Variants in CNTNAP2 observed in about 807,000 individuals in gnomAD.
The protein encoded by CNTNAP2 is contactin associated protein 2, also known as contactin-associated protein-like 2.
Under a neutral mutation model 155.2 loss-of-function variants are expected in CNTNAP2, and 98 were observed. The observed-to-expected ratio is 0.63, with a 90% CI of 0.54 to 0.75. The LOEUF (loss-of-function observed/expected upper bound fraction) is 0.75. Among genes scored for constraint, CNTNAP2 ranks in the 30% least tolerant of loss-of-function variants. CNTNAP2 has a pLI of 0.00. For synonymous variants in CNTNAP2, 651 were observed against 631.2 expected (o/e 1.03, Z -0.47); for missense variants, 1,727 against 1,688.1 (o/e 1.02, Z -0.40).
At chr7:147,596,911 C>T (rs976503644) in intron 12 of CNTNAP2, among the ~76,000 whole-genome samples, 13 of 152,174 alleles carry the variant, frequency 8.5e-5, no homozygotes, top group Admixed American at 8.5e-4. Context: ...TTGCTACGCT[C>T]CCTCCAGAGT....
chr7:146,242,791 C>G (rs961930784), intron 1 of CNTNAP2, among the ~76,000 whole-genome samples: 4 of 152,106 alleles, frequency 2.6e-5, no homozygotes, highest in Non-Finnish European at 5.9e-5. Flanking sequence ...TAAAATAACA[C>G]TACATATCAC....
chr7:147,554,476 G>C (rs977006938), intron 11 of CNTNAP2, among the ~76,000 whole-genome samples: 2 of 152,020 alleles, frequency 1.3e-5, no homozygotes, highest in Admixed American at 1.3e-4. Context: ...AAGGGAGAGA[G>C]TAGAAATGAA....
chr7:146,149,019 C>G (rs11768250), intron 1 of CNTNAP2, among the ~76,000 whole-genome samples: 28 of 133,088 alleles, frequency 2.1e-4, no homozygotes, highest in Admixed American at 4.6e-4. Context: ...CATCACACAC[C>G]GGGGCCTGTT....
intron 1 of CNTNAP2, among the ~76,000 whole-genome samples, chr7:146,712,616 C>CA (rs970196957): frequency 5.5e-4 from 83 of 150,308 alleles, no homozygotes; most frequent in African/African-American, 2.0e-3. Context: ...TCTTTTCTTT[C>CA]AAAAAAACTA....
chr7:146,515,436 G>A (rs1032011914), intron 1 of CNTNAP2, among the ~76,000 whole-genome samples: 5 of 152,020 alleles, frequency 3.3e-5, no homozygotes, highest in African/African-American at 1.2e-4. Context: ...TCATTTGTTT[G>A]TGGCCCTATG....
At chr7:147,900,281 AG>A (rs932598098) in intron 13 of CNTNAP2, among the ~76,000 whole-genome samples, 4 of 152,160 alleles carry the variant, frequency 2.6e-5, no homozygotes, top group African/African-American at 4.8e-5. Context: ...CCATGTGTCA[AG>A]GGGGGGACTT....
intron 8 of CNTNAP2, among the ~76,000 whole-genome samples, chr7:147,290,096 A>G (rs980880505): frequency 3.3e-5 from 5 of 152,196 alleles, no homozygotes; most frequent in African/African-American, 1.2e-4. Context: ...CGGGAAATAC[A>G]GGGTTAGGTT....
chr7:147,359,899 T>A (rs919793363), intron 9 of CNTNAP2, among the ~76,000 whole-genome samples: 4 of 152,194 alleles, frequency 2.6e-5, no homozygotes, highest in African/African-American at 9.7e-5. Context: ...ATATGATATG[T>A]TCTTTATTCA....
intron 4 of CNTNAP2, among the ~76,000 whole-genome samples, chr7:147,095,268 T>A (rs954355765): frequency 6.7e-6 from 1 of 150,136 alleles, no homozygotes; most frequent in Non-Finnish European, 1.5e-5. Context: ...ACTCTTTACC[T>A]GAAATGATCC....
intron 3 of CNTNAP2, among the ~76,000 whole-genome samples, chr7:146,947,410 C>CTCTCTATA (rs1554413860): frequency 8.2e-6 from 1 of 122,676 alleles, no homozygotes; most frequent in Non-Finnish European, 1.7e-5. Flanking sequence ...CTCTCTCTCT[C>CTCTCTATA]TATATATATA....
At chr7:146,517,348 A>T (rs1409905298) in intron 1 of CNTNAP2, among the ~76,000 whole-genome samples, 2 of 152,004 alleles carry the variant, frequency 1.3e-5, no homozygotes, top group African/African-American at 2.4e-5. Context: ...GGTGAAGAGG[A>T]TCATGAGATT....
intron 21 of CNTNAP2, among the ~76,000 whole-genome samples, chr7:148,269,085 G>A (rs1200568604): frequency 5.3e-5 from 8 of 152,086 alleles, no homozygotes; most frequent in African/African-American, 9.7e-5. Flanking sequence ...ACACCAGTCC[G>A]GCTGGAGAGG....
At chr7:148,413,373 C>A (rs1799888627) in intron 23 of CNTNAP2, among the ~76,000 whole-genome samples, 2 of 90,396 alleles carry the variant, frequency 2.2e-5, no homozygotes, top group African/African-American at 4.1e-5. Flanking sequence ...GCCTGGGCAA[C>A]AAGAGTGAAA....
intron 1 of CNTNAP2, among the ~76,000 whole-genome samples, chr7:146,326,844 T>C (rs1474753183): frequency 1.3e-5 from 2 of 152,258 alleles, no homozygotes; most frequent in African/African-American, 4.8e-5. Flanking sequence ...GTTAACATGC[T>C]GTAAATTGGA....
chr7:147,140,786 T>G (rs1801576953), intron 8 of CNTNAP2, among the ~76,000 whole-genome samples: 2 of 152,232 alleles, frequency 1.3e-5, no homozygotes, highest in Admixed American at 1.3e-4. Flanking sequence ...TACATAATTT[T>G]ATGGGCAGGG....
At chr7:147,456,715 C>G (rs1038866496) in intron 10 of CNTNAP2, among the ~76,000 whole-genome samples, 2 of 151,690 alleles carry the variant, frequency 1.3e-5, no homozygotes, top group South Asian at 4.1e-4. Flanking sequence ...AAAAATTAAT[C>G]ACAGGAAAAA....
rs1230029853 is a variant in CNTNAP2, at chr7:148,417,628, T to C, written c.*2012T>C. On this transcript the variant is annotated 3_prime_UTR_variant, in exon 24 of 24. Transcript: ENST00000361727. ...TTTATTTAGCCAAGATGATTACCAT[T>C]AGGAGTTACTTTATGTATTGTTGAA... 6.6e-6 allele frequency: 1 copy of C among 152,254 alleles called. No individual in the cohort carries two copies. The highest frequency in any genetic ancestry group is 1.9e-4 in the East Asian group (1 of 5,202). The allele number at this position is 152,254 out of a possible 1,614,324, so 9.4% of individuals were successfully genotyped here.
intron 12 of CNTNAP2, among the ~76,000 whole-genome samples, chr7:147,586,466 G>A (rs1283752185): frequency 6.8e-5 from 10 of 146,092 alleles, no homozygotes; most frequent in African/African-American, 2.6e-4. Context: ...GTTGGCTGAG[G>A]GGCTTAGAAG....
chr7:147,782,651 G>A (rs959146557), intron 13 of CNTNAP2, among the ~76,000 whole-genome samples: 4 of 152,076 alleles, frequency 2.6e-5, no homozygotes, highest in East Asian at 1.9e-4. Context: ...ACCTCTGAAA[G>A]GTCCCAACAC....
Sources: gnomAD v4.1 joint callset for allele counts (sites outside exome capture counted in the v4.1 genomes callset) on GRCh38, gnomAD v4.1.1 for gene constraint, MANE v1.5 for transcripts, NCBI Gene and HGNC (gene_info 2026-07-23, HGNC 2026-07-21) for gene names.